UBE2E2: variants seen among roughly 807,000 people sequenced by gnomAD.
UBE2E2 encodes ubiquitin-conjugating enzyme E2 E2.
A neutral mutation model predicts 24.7 loss-of-function variants in UBE2E2; 6 were observed. The observed-to-expected ratio is 0.24, with a 90% CI of 0.13 to 0.48. The LOEUF is 0.48. Ranked by LOEUF, UBE2E2 falls within the 20% of genes least tolerant of loss-of-function variation. UBE2E2 has a pLI of 0.99. For synonymous variants in UBE2E2, 104 were observed against 83.6 expected (o/e 1.24, Z -1.33); for missense variants, 169 against 245.0 (o/e 0.69, Z 2.07).
In UBE2E2 at chr3:23,589,338, G is replaced by C. The variant is rs1484467783; in HGVS notation, c.509-396G>C. On this transcript the variant is annotated intron_variant, in intron 5 of 5. Coordinates refer to ENST00000396703, the MANE Select transcript of UBE2E2 (RefSeq NM_152653.4). The surrounding 1 kb of genome is among the most constrained non-coding windows in gnomAD (Gnocchi z 4.1). ...AGGAGGCTGAGGCAGGAGGAGGATT[G>C]CTTGATCCCAGGAGGTCAAGGCTAC... 1.3e-5 allele frequency among the ~76,000 whole-genome samples: 2 copies of C among 151,726 alleles called. No individual in the cohort carries two copies. Among genetic ancestry groups the C allele is most frequent in the African/African-American group, 4.8e-5 (2 of 41,292 alleles).
At chr3:23,338,355 A>C (rs1406630007) in intron 3 of UBE2E2, among the ~76,000 whole-genome samples, 1 of 152,194 alleles carries the variant, frequency 6.6e-6, no homozygotes, top group East Asian at 1.9e-4. Context: ...AATAAGGTAA[A>C]GGGGAATCTA....
At chr3:23,401,652 T>C (rs1348205686) in intron 3 of UBE2E2, among the ~76,000 whole-genome samples, 1 of 152,072 alleles carries the variant, frequency 6.6e-6, no homozygotes, top group Non-Finnish European at 1.5e-5. Context: ...TCCTGGGACA[T>C]AGCCAGAGAA....
At chr3:23,205,618 A>T (rs1257941642) in intron 1 of UBE2E2, among the ~76,000 whole-genome samples, 1 of 152,208 alleles carries the variant, frequency 6.6e-6, no homozygotes, top group Non-Finnish European at 1.5e-5. Flanking sequence ...TTTATTTCTA[A>T]AAGTTCCTAT....
chr3:23,561,778 G>A (rs1175881810), intron 5 of UBE2E2, among the ~76,000 whole-genome samples: 1 of 152,052 alleles, frequency 6.6e-6, no homozygotes, highest in African/African-American at 2.4e-5. Context: ...TCCTTGAAGA[G>A]GTCCTTCACA....
intron 3 of UBE2E2, among the ~76,000 whole-genome samples, chr3:23,232,758 T>C (rs1559449490): frequency 6.6e-6 from 1 of 152,248 alleles, no homozygotes; most frequent in Non-Finnish European, 1.5e-5. Context: ...CATTGTTTCA[T>C]TTATAATCGA....
intron 4 of UBE2E2, among the ~76,000 whole-genome samples, chr3:23,524,865 G>GACACACACACACACACACACAC (rs59806964): frequency 1.8e-4 from 26 of 147,534 alleles, no homozygotes; most frequent in African/African-American, 6.5e-4. Context: ...CAGACACACA[G>GACACACACACACACACACACAC]ACACACACAC....
chr3:23,207,981 A>C (rs1427237779), intron 1 of UBE2E2, among the ~76,000 whole-genome samples: 1 of 151,886 alleles, frequency 6.6e-6, no homozygotes, highest in African/African-American at 2.4e-5. Context: ...ATTAGCCGTC[A>C]CTCTTCACTA....
intron 3 of UBE2E2, among the ~76,000 whole-genome samples, chr3:23,279,678 G>T (rs1026374504): frequency 6.6e-6 from 1 of 152,148 alleles, no homozygotes; most frequent in Admixed American, 6.5e-5. Flanking sequence ...TGTAAAGCTG[G>T]TGTTTTCTCT....
At chr3:23,264,649 G>A (rs1322344242) in intron 3 of UBE2E2, among the ~76,000 whole-genome samples, 2 of 152,172 alleles carry the variant, frequency 1.3e-5, no homozygotes, top group Non-Finnish European at 2.9e-5. Context: ...GCATGGTTTG[G>A]TATGATTCAT....
intron 5 of UBE2E2, among the ~76,000 whole-genome samples, chr3:23,586,329 C>A (rs140635307): frequency 6.6e-6 from 1 of 152,118 alleles, no homozygotes; most frequent in African/African-American, 2.4e-5. Context: ...GAGTCTTGCT[C>A]TGTCACCCAG....
At chr3:23,211,855 C>T (rs1696334622) in intron 2 of UBE2E2, among the ~76,000 whole-genome samples, 1 of 152,124 alleles carries the variant, frequency 6.6e-6, no homozygotes, top group African/African-American at 2.4e-5. Flanking sequence ...GATGCCGTCA[C>T]TGATAGACTT....
intron 5 of UBE2E2, among the ~76,000 whole-genome samples, chr3:23,588,472 G>A (rs1420485354): frequency 7.1e-6 from 1 of 141,820 alleles, no homozygotes; most frequent in Non-Finnish European, 1.5e-5. Flanking sequence ...GCTGGTATGT[G>A]GTGGCACGAT....
At chr3:23,297,130 T>C (rs1445156823) in intron 3 of UBE2E2, among the ~76,000 whole-genome samples, 1 of 152,232 alleles carries the variant, frequency 6.6e-6, no homozygotes, top group Non-Finnish European at 1.5e-5. Flanking sequence ...TCTGTTCATA[T>C]CCTTCACCCA....
chr3:23,540,241 A>T (rs1695359537), intron 5 of UBE2E2, among the ~76,000 whole-genome samples: 1 of 152,102 alleles, frequency 6.6e-6, no homozygotes, highest in South Asian at 2.1e-4. Flanking sequence ...AATTTTCATG[A>T]AAACCATTTT....
At chr3:23,225,772 G>T (rs1170212532) in intron 3 of UBE2E2, among the ~76,000 whole-genome samples, 1 of 152,104 alleles carries the variant, frequency 6.6e-6, no homozygotes, top group African/African-American at 2.4e-5. Context: ...AACTCATTAG[G>T]TAAGGCATTC....
At chr3:23,515,676 G>T (rs182649748) in intron 4 of UBE2E2, among the ~76,000 whole-genome samples, 4 of 152,132 alleles carry the variant, frequency 2.6e-5, no homozygotes, top group South Asian at 2.1e-4. Context: ...AATTTGAAGG[G>T]CAAGGTGCAG....
intron 3 of UBE2E2, among the ~76,000 whole-genome samples, chr3:23,477,642 TTTTTTAC>T (rs1256186145): frequency 6.6e-6 from 1 of 152,254 alleles, no homozygotes; most frequent in Non-Finnish European, 1.5e-5. Context: ...ATTTAGCATC[TTTTTTAC>T]TTTTTACTTA....
At chr3:23,238,133 G>A (rs926760085) in intron 3 of UBE2E2, among the ~76,000 whole-genome samples, 4 of 151,976 alleles carry the variant, frequency 2.6e-5, no homozygotes, top group Admixed American at 6.6e-5. Context: ...AAAAAAGCCT[G>A]GTTCCCTTGA....
chr3:23,577,722 T>C (rs6778020), intron 5 of UBE2E2, among the ~76,000 whole-genome samples: 43,737 of 151,990 alleles, frequency 0.29, 7,335 homozygotes, highest in African/African-American at 0.46. Context: ...CAGCCTTCTG[T>C]TGAAAGATAC....
Sources: allele counts gnomAD v4.1 joint callset (sites outside exome capture counted in the v4.1 genomes callset), GRCh38; gene constraint gnomAD v4.1.1; non-coding constraint Gnocchi (gnomAD v3.1); transcripts MANE v1.5; gene names NCBI Gene and HGNC (gene_info 2026-07-23, HGNC 2026-07-21).